CDH13: variants seen among roughly 807,000 people sequenced by gnomAD.
CDH13 encodes cadherin-13.
A neutral mutation model predicts 63.8 loss-of-function variants in CDH13; 24 were observed. That is an observed-to-expected ratio of 0.38 (90% CI 0.27 to 0.53). The LOEUF is 0.53. Ranked by LOEUF, CDH13 falls within the 20% of genes least tolerant of loss-of-function variation. The pLI is 0.85. For missense variants in CDH13, 1,049 were observed against 903.1 expected (o/e 1.16, Z -2.07); for synonymous variants, 503 against 355.3 (o/e 1.42, Z -4.67).
At chr16:83,271,877 T>A (rs1322224415) in intron 5 of CDH13, among the ~76,000 whole-genome samples, 1 of 152,210 alleles carries the variant, frequency 6.6e-6, no homozygotes, top group Non-Finnish European at 1.5e-5. Context: ...TGTTCAAGCC[T>A]CTTTAGCTGG....
intron 1 of CDH13, chr16:82,826,704 G>T (rs1314986795): frequency 6.6e-6 from 1 of 152,156 alleles, no homozygotes; most frequent in East Asian, 1.9e-4. Context: ...ACTGAATGTG[G>T]TAATTTGTTC....
At chr16:83,440,142 A>G (rs539672596) in intron 6 of CDH13, among the ~76,000 whole-genome samples, 1 of 152,276 alleles carries the variant, frequency 6.6e-6, no homozygotes, top group African/African-American at 2.4e-5. Context: ...GGGGATGGAG[A>G]AAAAGGGAAA....
intron 4 of CDH13, among the ~76,000 whole-genome samples, chr16:83,173,734 C>T (rs9939488): frequency 0.078 from 11,828 of 152,142 alleles, 910 homozygotes; most frequent in African/African-American, 0.19. Context: ...ATCCCTGCCT[C>T]TCCCAATCTT....
chr16:83,728,346 T>TGTGTGTGTGTGTGTGG (rs2150947970), intron 10 of CDH13, among the ~76,000 whole-genome samples: 1 of 149,630 alleles, frequency 6.7e-6, no homozygotes, highest in African/African-American at 2.4e-5. Context: ...TGTGTGCGTG[T>TGTGTGTGTGTGTGTGG]GTGTGTGTGT....
Position 83,352,468 on chromosome 16 carries a change from G to A in CDH13, c.781+7462G>A, listed in dbSNP as rs527973696. Among the ~76,000 whole-genome samples the A allele has an allele frequency of 4.6e-5, 7 of 152,134 alleles. No homozygotes were observed. In the South Asian group the frequency reaches 1.0e-3, roughly 23 times the overall value. ...AATCCAGCAATCCTGCTACTACTGG[G>A]CGTCTACACAAAGGAAAAGAAGCCA... On this transcript the variant is annotated intron_variant, in intron 6 of 13. Transcript: ENST00000567109.
At chr16:82,643,847 A>C (rs79369185) in intron 1 of CDH13, among the ~76,000 whole-genome samples, 4,584 of 151,962 alleles carry the variant, frequency 0.03, 260 homozygotes, top group African/African-American at 0.1. Context: ...AGCTCAAGCA[A>C]CCCTCTTGCC....
rs371205137 is a variant in CDH13, at chr16:82,644,778, G to A, written c.45+17641G>A. On this transcript the variant is annotated intron_variant, in intron 1 of 13. Coordinates refer to ENST00000567109, the MANE Select transcript of CDH13 (RefSeq NM_001257.5). This position sits in a 1 kb window ranked among gnomAD's most constrained non-coding sequence, Gnocchi z 5.7. ...CTTAAAGCCTTTCCAGGTAGCAACA[G>A]GAGATCACGCAAAGCCACGTAAGTG... is the stretch of plus-strand genomic sequence containing the variant. Among the ~76,000 whole-genome samples the A allele has an allele frequency of 6.6e-6, 1 of 152,154 alleles. No homozygotes were observed. The highest frequency in any genetic ancestry group is 1.5e-5 in the Non-Finnish European group (1 of 68,036).
chr16:83,285,964 C>T (rs562541662), intron 5 of CDH13, among the ~76,000 whole-genome samples: 2 of 152,282 alleles, frequency 1.3e-5, no homozygotes, highest in African/African-American at 4.8e-5. Flanking sequence ...GGTTCCTGCC[C>T]ATGTCCTGCC....
intron 10 of CDH13, among the ~76,000 whole-genome samples, chr16:83,686,151 G>A (rs752427156): frequency 4.9e-4 from 75 of 152,292 alleles, no homozygotes; most frequent in East Asian, 1.2e-3. Context: ...GAATCAGAAC[G>A]CCGGAGCTTC....
intron 2 of CDH13, among the ~76,000 whole-genome samples, chr16:82,886,855 C>A (rs896581889): frequency 6.6e-6 from 1 of 152,120 alleles, no homozygotes; most frequent in Non-Finnish European, 1.5e-5. Context: ...CATTTTATCT[C>A]CGTGATGTTT....
At chr16:82,741,368 G>T (rs1056200867) in intron 1 of CDH13, among the ~76,000 whole-genome samples, 1 of 152,190 alleles carries the variant, frequency 6.6e-6, no homozygotes, top group African/African-American at 2.4e-5. Context: ...TCAGAGCCCA[G>T]CTCAAACTTT....
intron 3 of CDH13, among the ~76,000 whole-genome samples, chr16:83,116,497 C>G (rs997491991): frequency 2.0e-5 from 3 of 152,210 alleles, no homozygotes; most frequent in African/African-American, 7.2e-5. Flanking sequence ...GCAGCCCCTT[C>G]TGTTTAGTCT....
intron 5 of CDH13, among the ~76,000 whole-genome samples, chr16:83,322,156 A>C (rs2090243624): frequency 1.3e-5 from 2 of 152,216 alleles, no homozygotes; most frequent in African/African-American, 4.8e-5. Context: ...AGGAGCACAA[A>C]GAGGAGGGAA....
chr16:83,317,187 T>C (rs2090125098), intron 5 of CDH13, among the ~76,000 whole-genome samples: 1 of 152,188 alleles, frequency 6.6e-6, no homozygotes, highest in African/African-American at 2.4e-5. Context: ...GTGCTAAGAC[T>C]GAGAAACCCA....
In CDH13 at chr16:83,755,949, A is replaced by G. The variant is rs954548988; in HGVS notation, c.1681+7699A>G. Among the ~76,000 whole-genome samples the G allele has an allele frequency of 9.2e-5, 14 of 152,356 alleles. 1 individual carries two copies. Among genetic ancestry groups the G allele is most frequent in the Non-Finnish European group, 7.3e-5 (5 of 68,032 alleles). ...GACATAAGGAGTTAAAAATATTTAT[A>G]GAACTAAAATGCATGACAGCAGTAA... On this transcript the variant is annotated intron_variant, in intron 11 of 13. Transcript: ENST00000567109.
intron 6 of CDH13, among the ~76,000 whole-genome samples, chr16:83,400,082 G>C (rs1422910064): frequency 6.6e-6 from 1 of 151,574 alleles, no homozygotes; most frequent in Non-Finnish European, 1.5e-5. Context: ...CCAAGAATTA[G>C]AAGGGAAGGA....
chr16:83,754,925 A>G (rs1357866772), intron 11 of CDH13, among the ~76,000 whole-genome samples: 1 of 152,186 alleles, frequency 6.6e-6, no homozygotes, highest in Admixed American at 6.5e-5. Flanking sequence ...AGCCTCTCCA[A>G]TCTTTTTTTT....
At chr16:83,372,851 A>C (rs918183447) in intron 6 of CDH13, among the ~76,000 whole-genome samples, 1 of 152,094 alleles carries the variant, frequency 6.6e-6, no homozygotes, top group Non-Finnish European at 1.5e-5. Flanking sequence ...GAGACTGACA[A>C]GTGATGGCGT....
At chr16:82,676,515 A>G (rs1451965432) in intron 1 of CDH13, among the ~76,000 whole-genome samples, 1 of 126,604 alleles carries the variant, frequency 7.9e-6, no homozygotes. Context: ...TTTGCCTTGA[A>G]TATCAATCTG....
Sources: gnomAD v4.1 joint callset for allele counts (sites outside exome capture counted in the v4.1 genomes callset) on GRCh38, gnomAD v4.1.1 for gene constraint, Gnocchi (gnomAD v3.1) non-coding constraint, MANE v1.5 for transcripts, NCBI Gene and HGNC (gene_info 2026-07-23, HGNC 2026-07-21) for gene names.